The following SLC1A3 variants were observed in gnomAD, a reference collection of about 807,000 sequenced individuals.
SLC1A3 encodes the protein excitatory amino acid transporter 1.
A neutral mutation model predicts 48.1 loss-of-function variants in SLC1A3; 21 were observed. The ratio of observed to expected loss-of-function variants is 0.44; its 90% CI spans 0.31 to 0.63. The LOEUF (loss-of-function observed/expected upper bound fraction) is 0.63, where lower values mean the gene tolerates loss of function less well. SLC1A3 is among the 20% of genes least tolerant of loss of function. SLC1A3 has a pLI of 0.08. For synonymous variants in SLC1A3, 239 were observed against 251.4 expected, an observed-to-expected ratio of 0.95 and a Z score of 0.47; for missense variants, 546 against 689.0, an observed-to-expected ratio of 0.79 and a Z score of 2.32.
intron 3 of SLC1A3, among the ~76,000 whole-genome samples, chr5:36,644,825 C>A (rs1740769955): frequency 6.6e-6 from 1 of 152,154 alleles, no homozygotes; most frequent in Non-Finnish European, 1.5e-5. Flanking sequence ...TCAGGTATCT[C>A]CAAGTCAAGA....
At chr5:36,609,032 C>T (rs1739084352) in intron 2 of SLC1A3, 2 of 996,148 alleles carry the variant, frequency 2.0e-6, no homozygotes, top group Non-Finnish European at 2.4e-6. Flanking sequence ...TAATTATATT[C>T]TAACTGGTGC....
At chr5:36,597,233 CTTTTTTTTTT>C (rs70976237) in intron 1 of SLC1A3, among the ~76,000 whole-genome samples, 85 of 46,108 alleles carry the variant, frequency 1.8e-3, no homozygotes, top group African/African-American at 6.0e-3. Flanking sequence ...TTCTTCCTTT[CTTTTTTTTTT>C]TTTTTTTTTT....
intron 3 of SLC1A3, among the ~76,000 whole-genome samples, chr5:36,645,702 A>C (rs1480785683): frequency 1.3e-5 from 2 of 152,288 alleles, no homozygotes; most frequent in East Asian, 3.9e-4. Context: ...AACCATTCTC[A>C]GTAATTTTGG....
intron 2 of SLC1A3, among the ~76,000 whole-genome samples, chr5:36,625,141 G>A (rs961504781): frequency 6.6e-6 from 1 of 152,182 alleles, no homozygotes; most frequent in Non-Finnish European, 1.5e-5. Context: ...ACTGACTTCT[G>A]AGCATCAGTT....
upstream of SLC1A3, among the ~76,000 whole-genome samples, chr5:36,603,125 T>G (rs1738826678): frequency 6.6e-6 from 1 of 152,190 alleles, no homozygotes; most frequent in South Asian, 2.1e-4. Flanking sequence ...GGCTCCCCAT[T>G]GACTAGGAGT....
chr5:36,636,554 C>T (rs1437949325), intron 3 of SLC1A3, among the ~76,000 whole-genome samples: 1 of 138,368 alleles, frequency 7.2e-6, no homozygotes, highest in South Asian at 2.3e-4. Flanking sequence ...TCTTTCCTTT[C>T]TTTCTTTCTC....
At chr5:36,612,604 AAATAATAAT>A (rs999530005) in intron 2 of SLC1A3, 2 of 153,066 alleles carry the variant, frequency 1.3e-5, no homozygotes, top group East Asian at 3.8e-4. Flanking sequence ...AAGAAAAAAA[AAATAATAAT>A]AATAATAATA....
At chr5:36,613,896 A>T (rs937539635) in intron 2 of SLC1A3, among the ~76,000 whole-genome samples, 3 of 152,286 alleles carry the variant, frequency 2.0e-5, no homozygotes, top group Middle Eastern at 3.4e-3. Flanking sequence ...GGGAAAAAAA[A>T]TACAGAAAAA....
chr5:36,686,385 T>G lies in SLC1A3; in HGVS notation c.*116T>G. 1 of 865,750 alleles carries G rather than the reference T, an allele frequency of 1.2e-6. No homozygotes were observed. The highest frequency in any genetic ancestry group is 1.4e-5 in the South Asian group (1 of 71,920). 53.6% of individuals were successfully genotyped at this position (865,750 alleles called of 1,614,324 possible). On this transcript the variant is annotated 3_prime_UTR_variant, in exon 10 of 10. Coordinates refer to ENST00000265113, the MANE Select transcript of SLC1A3 (RefSeq NM_004172.5). ...GCCCGTCATCTTCCCTTTCCTCCCTTCTGATAAGACTGGAAAATAGTCCTC... is the reference window on the plus strand; with the variant it reads ...GCCCGTCATCTTCCCTTTCCTCCCTGCTGATAAGACTGGAAAATAGTCCTC...
At chr5:36,668,786 G>C (rs1741867133) in intron 3 of SLC1A3, 1 of 152,122 alleles carries the variant, frequency 6.6e-6, no homozygotes, top group African/African-American at 2.4e-5. Context: ...AAAAACCTAT[G>C]AACTTTATTT....
intron 7 of SLC1A3, 53 bp from the exon 8 acceptor site, chr5:36,680,342 C>T: frequency 6.8e-7 from 1 of 1,471,780 alleles, no homozygotes; most frequent in East Asian, 2.3e-5. Context: ...AACGCACAGA[C>T]AGTCAGAACT....
At chr5:36,649,348 C>CAAAAAAAAA (rs33955795) in intron 3 of SLC1A3, 1 of 69,458 alleles carries the variant, frequency 1.4e-5, no homozygotes, top group Non-Finnish European at 2.7e-5. Context: ...AACTCCATCT[C>CAAAAAAAAA]AAAAAAAAAA....
intron 3 of SLC1A3, among the ~76,000 whole-genome samples, chr5:36,633,746 C>T (rs928918815): frequency 1.3e-5 from 2 of 152,164 alleles, no homozygotes; most frequent in African/African-American, 4.8e-5. Context: ...CATCTCCATC[C>T]TAAAGTCAAC....
chr5:36,680,538 T>G lies in SLC1A3; in HGVS notation c.1238T>G (p.Ile413Ser). 1 of 1,614,234 alleles carries G rather than the reference T, an allele frequency of 6.2e-7. No homozygotes were observed. Among genetic ancestry groups the G allele is most frequent in the Non-Finnish European group, 8.5e-7 (1 of 1,180,028 alleles). The change falls in exon 8 of 10, where the codon ATT becomes AGT. Residue 413 changes from isoleucine to serine, a missense_variant. Transcript: ENST00000265113. ...ALYEALAAIF[I>S]AQVNNFELNF... is the part of the protein sequence containing the mutation. ...TATGAGGCTTTGGCTGCCATTTTCATTGCTCAAGTTAACAACTTTGAACTG... is the reference window on the plus strand; with the variant it reads ...TATGAGGCTTTGGCTGCCATTTTCAGTGCTCAAGTTAACAACTTTGAACTG...
chr5:36,650,130 G>A (rs981371104), intron 3 of SLC1A3, among the ~76,000 whole-genome samples: 8 of 151,716 alleles, frequency 5.3e-5, no homozygotes, highest in Middle Eastern at 3.4e-3. Flanking sequence ...GGCGGGTGGG[G>A]AAACTAGATT....
chr5:36,641,406 A>G (rs561727936), intron 3 of SLC1A3, among the ~76,000 whole-genome samples: 6 of 152,212 alleles, frequency 3.9e-5, no homozygotes, highest in Admixed American at 3.3e-4. Flanking sequence ...CTGTAATTTC[A>G]GTGTATAGTT....
At chr5:36,673,096 C>T (rs1703087554) in intron 4 of SLC1A3, among the ~76,000 whole-genome samples, 1 of 152,028 alleles carries the variant, frequency 6.6e-6, no homozygotes. Flanking sequence ...CTCCTGAATG[C>T]ATATTTCTAT....
chr5:36,686,166 T>C lies in SLC1A3; in HGVS notation c.1526T>C (p.Met509Thr), dbSNP rs771678103. Reference sequence around the variant, plus strand: ...GAACTGAAGAACAGAGATGTTGAAATGGGTAACTCAGTGATTGAAGAGAAT... The same window carrying C: ...GAACTGAAGAACAGAGATGTTGAAACGGGTAACTCAGTGATTGAAGAGAAT... The part of the protein sequence containing the change: ...RHELKNRDVE[M>T]GNSVIEENEM... The change falls in exon 10 of 10, where the codon ATG (methionine) becomes ACG (threonine). Residue 509 changes from methionine (M) to threonine (T), a missense_variant. Transcript: ENST00000265113. 3 of 1,613,978 alleles carry C rather than the reference T, an allele frequency of 1.9e-6. No individual in the cohort carries two copies. The highest frequency in any genetic ancestry group is 2.5e-6 in the Non-Finnish European group (3 of 1,179,928).
intron 6 of SLC1A3, among the ~76,000 whole-genome samples, chr5:36,678,425 G>C (rs1034786121): frequency 6.6e-6 from 1 of 152,158 alleles, no homozygotes; most frequent in Non-Finnish European, 1.5e-5. Flanking sequence ...CCCATTCAAG[G>C]CCACTGAATG....
Sources: gnomAD v4.1 joint callset for allele counts (sites outside exome capture counted in the v4.1 genomes callset) on GRCh38, gnomAD v4.1.1 for gene constraint, MANE v1.5 for transcripts, NCBI Gene and HGNC (gene_info 2026-07-23, HGNC 2026-07-21) for gene names.